TRIM9: variants seen among roughly 807,000 people sequenced by gnomAD.
TRIM9 encodes E3 ubiquitin-protein ligase TRIM9.
TRIM9 carries 26 observed loss-of-function variants against 78.3 expected under a neutral mutation model. The ratio of observed to expected loss-of-function variants is 0.33; its 90% CI spans 0.24 to 0.46. The LOEUF (loss-of-function observed/expected upper bound fraction) is 0.46. Ranked by LOEUF, TRIM9 falls within the 20% of genes least tolerant of loss-of-function variation. The probability of loss-of-function intolerance (pLI) is 1.00; values close to 1 mark genes in which losing one functional copy is unlikely to be tolerated. For synonymous variants in TRIM9, 398 were observed against 416.5 expected (o/e 0.96, Z 0.54); for missense variants, 787 against 1,036.4 (o/e 0.76, Z 3.30).
In TRIM9 at chr14:50,981,850, A is replaced by G; in HGVS notation, c.2112T>C (p.Tyr704=). 6.2e-7 allele frequency: 1 copy of G among 1,614,226 alleles called. No individual in the cohort carries two copies. Among genetic ancestry groups the G allele is most frequent in the East Asian group, 2.2e-5 (1 of 44,890 alleles). Residue 704 remains tyrosine (Y), a synonymous_variant, in exon 11 of 13, where the codon TAT becomes TAC. Transcript: ENST00000684578. The stretch of plus-strand genomic sequence containing the variant: ...TGAACCAGCTCCGGTTATTGTCCAC[A>G]TACATTGCCCAAGCTTTGTCGTCTT... ...LGKDDKAWAM[Y]VDNNRSWFMH... is the part of the protein sequence containing the mutation.
intron 5 of TRIM9, among the ~76,000 whole-genome samples, chr14:51,003,413 T>C (rs1439868672): frequency 1.3e-5 from 2 of 152,180 alleles, no homozygotes; most frequent in Non-Finnish European, 2.9e-5. Flanking sequence ...TTTGTTCATG[T>C]TTCAGGTAAG....
chr14:51,029,262 C>T (rs889204442), intron 1 of TRIM9, among the ~76,000 whole-genome samples: 17 of 152,100 alleles, frequency 1.1e-4, no homozygotes, highest in African/African-American at 3.6e-4. Flanking sequence ...AAGGGTCACT[C>T]GAAGAGTTGG....
At position 51,051,915 on chromosome 14, in the gene TRIM9, C is replaced by T. The variant is rs563315396; in HGVS notation, c.823-26555G>A. On this transcript the variant is annotated intron_variant, in intron 1 of 12. Coordinates refer to ENST00000684578, the MANE Select transcript of TRIM9 (RefSeq NM_001387360.1). ...CCAGGAGATGGAGGTTGCAGTGAGCCGAGTTTATGCCACTGCACTCCAGCC... is the reference window on the plus strand; with the variant it reads ...CCAGGAGATGGAGGTTGCAGTGAGCTGAGTTTATGCCACTGCACTCCAGCC... 2.2e-3 allele frequency among the ~76,000 whole-genome samples: 328 copies of T among 151,292 alleles called. 2 individuals carry two copies. The highest frequency in any genetic ancestry group is 2.7e-3 in the Non-Finnish European group (185 of 67,894).
At chr14:51,026,370 T>C (rs1802013357) in intron 1 of TRIM9, among the ~76,000 whole-genome samples, 1 of 152,306 alleles carries the variant, frequency 6.6e-6, no homozygotes, top group African/African-American at 2.4e-5. Flanking sequence ...TTTCTTGTTA[T>C]GTGATAAAAA....
At chr14:50,994,326 G>A (rs914552263) in intron 7 of TRIM9, among the ~76,000 whole-genome samples, 1 of 152,218 alleles carries the variant, frequency 6.6e-6, no homozygotes, top group African/African-American at 2.4e-5. Flanking sequence ...AGGATTCCTT[G>A]AGCCCAGGTG....
intron 1 of TRIM9, among the ~76,000 whole-genome samples, chr14:51,047,133 T>G (rs77287443): frequency 6.6e-6 from 1 of 152,284 alleles, no homozygotes; most frequent in South Asian, 2.1e-4. Flanking sequence ...GGGTTGACAC[T>G]TGTGTTTACC....
intron 1 of TRIM9, among the ~76,000 whole-genome samples, chr14:51,028,393 T>C (rs936982421): frequency 1.3e-5 from 2 of 152,194 alleles, no homozygotes; most frequent in African/African-American, 4.8e-5. Flanking sequence ...ATGCACATTG[T>C]TTTTATAGGT....
At chr14:50,982,813 C>T in intron 10 of TRIM9, 129 bp downstream of exon 10, 1 of 863,080 alleles carries the variant, frequency 1.2e-6, no homozygotes, top group Non-Finnish European at 1.8e-6. Context: ...ATTGTTACGC[C>T]CCAAGTTCTA....
At chr14:51,022,036 CT>C (rs763546625) in intron 3 of TRIM9, among the ~76,000 whole-genome samples, 9 of 152,204 alleles carry the variant, frequency 5.9e-5, no homozygotes, top group Admixed American at 1.3e-4. Flanking sequence ...ATTTCCACCC[CT>C]ATCCCCAGTA....
intron 3 of TRIM9, among the ~76,000 whole-genome samples, chr14:51,019,253 A>C (rs1235981866): frequency 6.6e-6 from 1 of 152,230 alleles, no homozygotes. Flanking sequence ...AGTAGTTCCA[A>C]ATATGAGTTA....
intron 1 of TRIM9, among the ~76,000 whole-genome samples, chr14:51,073,110 A>G (rs2062444146): frequency 6.6e-6 from 1 of 152,226 alleles, no homozygotes; most frequent in Non-Finnish European, 1.5e-5. Flanking sequence ...TAGTTATCAC[A>G]ACACTGTGAT....
chr14:50,997,980 C>T, intron 7 of TRIM9, 70 bp downstream of exon 7: 1 of 1,601,032 alleles, frequency 6.2e-7, no homozygotes, highest in Admixed American at 1.7e-5. Flanking sequence ...GTGGGGTTAC[C>T]TCCGGGCTTG....
intron 1 of TRIM9, among the ~76,000 whole-genome samples, chr14:51,052,240 G>A (rs889186227): frequency 1.3e-5 from 2 of 151,980 alleles, no homozygotes; most frequent in African/African-American, 4.8e-5. Context: ...GGGGGAAAAC[G>A]ACCTATAAAT....
At chr14:51,082,442 A>G (rs1355074575) in intron 1 of TRIM9, among the ~76,000 whole-genome samples, 1 of 152,258 alleles carries the variant, frequency 6.6e-6, no homozygotes, top group Middle Eastern at 3.2e-3. Flanking sequence ...ATAAAAAAGA[A>G]TGATGTACTG....
intron 2 of TRIM9, 36 bp downstream of exon 2, chr14:51,025,229 C>G: frequency 1.3e-6 from 2 of 1,568,214 alleles, no homozygotes; most frequent in Non-Finnish European, 1.8e-6. Flanking sequence ...ACGTATTAAC[C>G]GGCGGGTTTC....
chr14:51,027,837 CT>C (rs5808589), intron 1 of TRIM9, among the ~76,000 whole-genome samples: 8 of 150,150 alleles, frequency 5.3e-5, no homozygotes, highest in African/African-American at 9.8e-5. Context: ...GAACTCATAT[CT>C]TTTTTTTTTC....
chr14:51,071,690 C>T (rs1372476755), intron 1 of TRIM9, among the ~76,000 whole-genome samples: 1 of 152,114 alleles, frequency 6.6e-6, no homozygotes, highest in Non-Finnish European at 1.5e-5. Flanking sequence ...CCTGTAGTCC[C>T]AGCTACTCAG....
intron 1 of TRIM9, among the ~76,000 whole-genome samples, chr14:51,048,056 G>C (rs993885206): frequency 1.3e-5 from 2 of 151,910 alleles, no homozygotes; most frequent in Non-Finnish European, 2.9e-5. Context: ...CTAATTAATA[G>C]CTTGCTCCAA....
intron 5 of TRIM9, among the ~76,000 whole-genome samples, chr14:51,005,057 C>A (rs1316318479): frequency 6.6e-6 from 1 of 152,176 alleles, no homozygotes; most frequent in Admixed American, 6.5e-5. Context: ...AAAGTTTAGA[C>A]TTTAGCAGAA....
Sources: gnomAD v4.1 joint callset for allele counts (sites outside exome capture counted in the v4.1 genomes callset) on GRCh38, gnomAD v4.1.1 for gene constraint, MANE v1.5 for transcripts, NCBI Gene and HGNC (gene_info 2026-07-23, HGNC 2026-07-21) for gene names.